The following PLEKHM1 variants were observed in gnomAD, a reference collection of about 807,000 sequenced individuals.
PLEKHM1 encodes the protein pleckstrin homology and RUN domain containing M1, also known as pleckstrin homology domain-containing family M member 1.
PLEKHM1 carries 28 observed loss-of-function variants against 94.3 expected under a neutral mutation model. The observed-to-expected ratio is 0.30, with a 90% confidence interval of 0.22 to 0.41. PLEKHM1 has a LOEUF of 0.41. Ranked by LOEUF, PLEKHM1 falls within the 10% of genes least tolerant of loss-of-function variation. PLEKHM1 has a pLI of 1.00. For missense variants in PLEKHM1, 907 were observed against 1,358.6 expected, an observed-to-expected ratio of 0.67 and a Z score of 5.22; for synonymous variants, 424 against 581.2, an observed-to-expected ratio of 0.73 and a Z score of 3.89.
chr17:45,451,553 G>T (rs1290841010), intron 7 of PLEKHM1, among the ~76,000 whole-genome samples: 3 of 152,150 alleles, frequency 2.0e-5, no homozygotes, highest in African/African-American at 7.2e-5. Flanking sequence ...TTTCTTCAAG[G>T]TTCCATTTCA....
intron 1 of PLEKHM1, among the ~76,000 whole-genome samples, chr17:45,483,386 C>T (rs1453047856): frequency 2.0e-5 from 3 of 148,984 alleles, no homozygotes; most frequent in South Asian, 2.1e-4. Context: ...GGTTAAATCC[C>T]TCAGGGCTGC....
intron 3 of PLEKHM1, 60 bp downstream of exon 3, chr17:45,477,840 C>T (rs767041475): frequency 1.0e-4 from 162 of 1,600,646 alleles, no homozygotes; most frequent in Non-Finnish European, 1.3e-4. Flanking sequence ...GGAGGAAAAG[C>T]CAAGTGTCCC....
intron 11 of PLEKHM1, among the ~76,000 whole-genome samples, chr17:45,438,247 T>C (rs2050331288): frequency 6.6e-6 from 1 of 152,182 alleles, no homozygotes; most frequent in Non-Finnish European, 1.5e-5. Flanking sequence ...TTAAAAAATA[T>C]TTACGGCCAG....
intron 2 of PLEKHM1, among the ~76,000 whole-genome samples, chr17:45,479,840 T>C (rs2051889181): frequency 6.6e-6 from 1 of 152,244 alleles, no homozygotes; most frequent in South Asian, 2.1e-4. Flanking sequence ...TGTTAAATGA[T>C]ACACCACAAA....
At chr17:45,471,624 C>T (rs1339205243) in intron 4 of PLEKHM1, among the ~76,000 whole-genome samples, 2 of 152,006 alleles carry the variant, frequency 1.3e-5, no homozygotes, top group Non-Finnish European at 2.9e-5. Flanking sequence ...GGTGTGGTGG[C>T]AGGCCCCTAT....
chr17:45,464,600 G>A (rs543040272), intron 5 of PLEKHM1, among the ~76,000 whole-genome samples: 84 of 152,288 alleles, frequency 5.5e-4, no homozygotes, highest in African/African-American at 1.9e-3. Context: ...TGAATAAGCA[G>A]TGAATGAATC....
At chr17:45,441,386 A>G (rs936728396) in intron 9 of PLEKHM1, among the ~76,000 whole-genome samples, 5 of 152,164 alleles carry the variant, frequency 3.3e-5, no homozygotes, top group Non-Finnish European at 7.3e-5. Flanking sequence ...AAGCAGCCAC[A>G]CAGGCCAAGA....
chr17:45,487,193 C>A (rs146191037), intron 1 of PLEKHM1, among the ~76,000 whole-genome samples: 3 of 152,182 alleles, frequency 2.0e-5, no homozygotes, highest in Non-Finnish European at 4.4e-5. Flanking sequence ...TGTATTCATT[C>A]GCCTTCACAT....
Position 45,437,361 on chromosome 17 carries a change from G to A in PLEKHM1, c.*497C>T, listed in dbSNP as rs2050295935. On this transcript the variant is annotated 3_prime_UTR_variant, in exon 12 of 12. Coordinates refer to ENST00000430334, the MANE Select transcript of PLEKHM1 (RefSeq NM_014798.3). This position sits in a 1 kb window ranked among gnomAD's most constrained non-coding sequence, Gnocchi z 4.0. ...GCTACCTCTAAGCCAGGCCTGAGTG[G>A]CTCCTGTGCATCCGCTGGGGGTGAG... is the stretch of plus-strand genomic sequence containing the variant. 1 of 454,114 alleles carries A rather than the reference G, an allele frequency of 2.2e-6. No homozygotes were observed. Among genetic ancestry groups the A allele is most frequent in the Admixed American group, 2.3e-5 (1 of 42,566 alleles). The allele number at this position is 454,114 out of a possible 1,614,324, so 28.1% of individuals were successfully genotyped here.
In PLEKHM1 at chr17:45,453,862, G is replaced by A; in HGVS notation, c.1990C>T (p.Pro664Ser). The A allele has an allele frequency of 6.2e-7, 1 of 1,613,982 alleles. No homozygotes were observed. The highest frequency in any genetic ancestry group is 1.1e-5 in the South Asian group (1 of 91,074). ...AACTGTGTGCCCTGGAGGGCCGCGG[G>A]CTCCGAGAGCAGGTCTGAGGGAGAG... The part of the protein sequence containing the change: ...CLSPSDLLSE[P>S]AALQGTQFDW... Residue 664 changes from proline to serine, a missense_variant, in exon 7 of 12, where the codon CCC becomes TCC. This residue lies in a region of PLEKHM1 where 477 missense variants were observed against 601.5 expected (regional missense o/e 0.79). Transcript: ENST00000430334. The surrounding 1 kb of genome is among the most constrained non-coding windows in gnomAD (Gnocchi z 4.1).
At chr17:45,451,638 A>G (rs2050777428) in intron 7 of PLEKHM1, among the ~76,000 whole-genome samples, 2 of 152,058 alleles carry the variant, frequency 1.3e-5, no homozygotes, top group Non-Finnish European at 1.5e-5. Context: ...AGGTTCTGCA[A>G]GTACCCTGCA....
At chr17:45,479,487 C>T (rs555615086) in intron 2 of PLEKHM1, among the ~76,000 whole-genome samples, 1 of 145,770 alleles carries the variant, frequency 6.9e-6, no homozygotes, top group Non-Finnish European at 1.5e-5. Flanking sequence ...CACTGCACTC[C>T]AGCCTGGGCG....
rs1322143498 is a variant in PLEKHM1, at chr17:45,444,609, A to C, written c.2837+861T>G. Among the ~76,000 whole-genome samples the C allele has an allele frequency of 6.6e-6, 1 of 151,530 alleles. No individual in the cohort carries two copies. Among genetic ancestry groups the C allele is most frequent in the Non-Finnish European group, 1.5e-5 (1 of 67,900 alleles). ...CTGGCCCTCACCTGCCTCTCGCCACACTCCCCACTTCCCTCCTCACTGTAG... is the reference window on the plus strand; with the variant it reads ...CTGGCCCTCACCTGCCTCTCGCCACCCTCCCCACTTCCCTCCTCACTGTAG... On this transcript the variant is annotated intron_variant, in intron 9 of 11. Transcript: ENST00000430334. This position sits in a 1 kb window ranked among gnomAD's most constrained non-coding sequence, Gnocchi z 5.0.
chr17:45,471,704 C>T (rs1161672160), intron 4 of PLEKHM1, among the ~76,000 whole-genome samples: 2 of 152,064 alleles, frequency 1.3e-5, no homozygotes, highest in African/African-American at 2.4e-5. Flanking sequence ...TGCAGTGAGC[C>T]GAGATCATGC....
intron 2 of PLEKHM1, among the ~76,000 whole-genome samples, chr17:45,479,694 A>AAAACAAAACG (rs1248670678): frequency 6.8e-6 from 1 of 147,786 alleles, no homozygotes; most frequent in African/African-American, 2.7e-5. Flanking sequence ...TCAGAAAAAC[A>AAAACAAAACG]AAACAAAACA....
intron 4 of PLEKHM1, among the ~76,000 whole-genome samples, chr17:45,472,136 T>C (rs1422131651): frequency 1.3e-5 from 2 of 151,958 alleles, no homozygotes; most frequent in African/African-American, 4.9e-5. Flanking sequence ...ATTTAAATAA[T>C]GTAACAACTT....
At chr17:45,451,985 G>A (rs1223149334) in intron 7 of PLEKHM1, among the ~76,000 whole-genome samples, 1 of 152,226 alleles carries the variant, frequency 6.6e-6, no homozygotes, top group African/African-American at 2.4e-5. Flanking sequence ...GGGGCCAACC[G>A]CAGACCAATT....
chr17:45,463,703 CT>C, intron 5 of PLEKHM1: 1 of 152,542 alleles, frequency 6.6e-6, no homozygotes, highest in Non-Finnish European at 1.5e-5. Context: ...CCCTTCTCTC[CT>C]TTTTTCCCAC....
chr17:45,465,124 A>T (rs917863735), intron 5 of PLEKHM1, among the ~76,000 whole-genome samples: 2 of 151,926 alleles, frequency 1.3e-5, no homozygotes, highest in Non-Finnish European at 2.9e-5. Context: ...CTATTCATCC[A>T]TGCCTACTTT....
Sources: gnomAD v4.1 joint callset for allele counts (sites outside exome capture counted in the v4.1 genomes callset) on GRCh38, gnomAD v4.1.1 for gene constraint, gnomAD v4.1.1 regional missense constraint, Gnocchi (gnomAD v3.1) non-coding constraint, MANE v1.5 for transcripts, NCBI Gene and HGNC (gene_info 2026-07-23, HGNC 2026-07-21) for gene names.